The following PPAT variants were observed in gnomAD, a reference collection of about 807,000 sequenced individuals.
PPAT encodes the protein amidophosphoribosyltransferase.
Under a neutral mutation model 60.2 loss-of-function variants are expected in PPAT, and 20 were observed. The observed-to-expected ratio is 0.33, with a 90% CI of 0.23 to 0.48. PPAT has a LOEUF of 0.48. Ranked by LOEUF, PPAT falls within the 20% of genes least tolerant of loss-of-function variation. The pLI is 0.99. For synonymous variants in PPAT, 194 were observed against 215.1 expected (o/e 0.90, Z 0.86); for missense variants, 349 against 629.6 (o/e 0.55, Z 4.77).
intron 1 of PPAT, chr4:56,419,680 G>A: frequency 1.8e-5 from 18 of 984,036 alleles, no homozygotes; most frequent in Non-Finnish European, 2.2e-5. Context: ...GCAAATGAAG[G>A]AGGAAAGCAC....
intron 1 of PPAT, among the ~76,000 whole-genome samples, chr4:56,432,804 T>C (rs6842547): frequency 1.5e-5 from 1 of 66,244 alleles, no homozygotes; most frequent in Non-Finnish European, 4.0e-5. Flanking sequence ...AAAAAAAAAA[T>C]CAAGAAGATA....
intron 1 of PPAT, chr4:56,414,463 T>C (rs1171885077): frequency 6.6e-6 from 1 of 152,252 alleles, no homozygotes; most frequent in African/African-American, 2.4e-5. Context: ...GGCCTATGGC[T>C]GCCAAACCAC....
At position 56,393,403 on chromosome 4, in the gene PPAT, CAAAT is replaced by C. The variant is rs1202544057; in HGVS notation, c.*1945_*1948del. ...ACACATATTTATCAACAAGGCATCA[CAAAT>C]AAGTCACAAAAAGTAGGCTTAGTTT... On this transcript the variant is annotated 3_prime_UTR_variant, in exon 11 of 11. Transcript: ENST00000264220. 7.3e-5 allele frequency: 11 copies of C among 151,026 alleles called. No homozygotes were observed. Among genetic ancestry groups the C allele is most frequent in the African/African-American group, 2.7e-4 (11 of 41,164 alleles). The allele number at this position is 151,026 out of a possible 1,614,324, so 9.4% of individuals were successfully genotyped here. A position where few individuals can be genotyped will look rare whatever the true frequency, so the allele number is the denominator to read the frequency against.
chr4:56,423,800 T>TATA (rs1179178121), intron 1 of PPAT, among the ~76,000 whole-genome samples: 1 of 152,030 alleles, frequency 6.6e-6, no homozygotes, highest in East Asian at 1.9e-4. Flanking sequence ...AAAGCAAAGA[T>TATA]ATAAACCCAC....
In PPAT at chr4:56,393,493, CG is replaced by C. The variant is rs1715879882; in HGVS notation, c.*1858del. On this transcript the variant is annotated 3_prime_UTR_variant, in exon 11 of 11. Coordinates refer to ENST00000264220, the MANE Select transcript of PPAT (RefSeq NM_002703.5). ...CATCTCTGCAGTTTATAATACTCTA[CG>C]TATATGAATTTAAAGCAGTTAAACA... 1 of 151,716 alleles carries C rather than the reference CG, an allele frequency of 6.6e-6. No homozygotes were observed. 9.4% of individuals were successfully genotyped at this position (151,716 alleles called of 1,614,324 possible).
chr4:56,419,752 A>T, intron 1 of PPAT: 1 of 984,872 alleles, frequency 1.0e-6, no homozygotes, highest in Non-Finnish European at 1.2e-6. Context: ...ATACAACGAC[A>T]ACTAGAGGGA....
intron 1 of PPAT, 83 bp from the exon 2 acceptor site, chr4:56,407,799 C>T (rs577476110): frequency 2.6e-5 from 28 of 1,089,774 alleles, no homozygotes; most frequent in Non-Finnish European, 3.4e-5. Flanking sequence ...ACTTTCTCAA[C>T]AAGCATCCAT....
chr4:56,435,272 T>A lies in PPAT; in HGVS notation c.128+78A>T, dbSNP rs1717841713. The A allele has an allele frequency of 2.1e-5, 34 of 1,592,498 alleles. No individual in the cohort carries two copies. The South Asian group carries it at 3.6e-4, about 17-fold the overall frequency. On this transcript the variant is annotated intron_variant, in intron 1 of 10. Transcript: ENST00000264220. ...TCGGTCCTCCCGGGCCCTCGGGCGC[T>A]CATGAGAACGCCGACTGCGGGAAGC...
intron 1 of PPAT, among the ~76,000 whole-genome samples, chr4:56,425,080 T>G (rs1436195412): frequency 1.3e-5 from 2 of 152,160 alleles, no homozygotes; most frequent in East Asian, 3.8e-4. Context: ...TAGCAAAACA[T>G]ATTTCCAAAA....
At chr4:56,431,572 G>A (rs1188870600) in intron 1 of PPAT, 4 of 942,832 alleles carry the variant, frequency 4.2e-6, no homozygotes, top group Non-Finnish European at 5.1e-6. Context: ...ATTTTTAGAA[G>A]TATGAAAATG....
At chr4:56,425,454 T>C (rs1717239066) in intron 1 of PPAT, 5 of 883,460 alleles carry the variant, frequency 5.7e-6, no homozygotes, top group Non-Finnish European at 5.4e-6. Context: ...AGCTCAGACA[T>C]AGGTATGCTG....
chr4:56,413,221 G>A (rs1478996419), intron 1 of PPAT, among the ~76,000 whole-genome samples: 1 of 152,152 alleles, frequency 6.6e-6, no homozygotes, highest in Non-Finnish European at 1.5e-5. Context: ...GTGCAGTGGT[G>A]CAATCTCAGC....
intron 3 of PPAT, among the ~76,000 whole-genome samples, chr4:56,403,708 T>A (rs1289221806): frequency 6.6e-6 from 1 of 152,204 alleles, no homozygotes; most frequent in Admixed American, 6.5e-5. Flanking sequence ...CAACTCACCA[T>A]AATCTAGAAT....
chr4:56,431,534 AC>A lies in PPAT; in HGVS notation c.128+3815del, dbSNP rs1442336946. On this transcript the variant is annotated intron_variant, in intron 1 of 10. Coordinates refer to ENST00000264220, the MANE Select transcript of PPAT (RefSeq NM_002703.5). Reference sequence around the variant, plus strand: ...TACAGAATGTTTCTGCAGACAGAAAACCCAACTTCATCAGGTAAATCTTATA... The same window carrying A: ...TACAGAATGTTTCTGCAGACAGAAAACCAACTTCATCAGGTAAATCTTATA... 6 of 981,018 alleles carry A rather than the reference AC, an allele frequency of 6.1e-6. No homozygotes were observed. The African/African-American group carries it at 1.1e-4, about 17-fold the overall frequency. The allele number at this position is 981,018 out of a possible 1,614,324, so 60.8% of individuals were successfully genotyped here. A position where few individuals can be genotyped will look rare whatever the true frequency, so the allele number is the denominator to read the frequency against.
intron 1 of PPAT, chr4:56,422,720 A>T (rs1207107959): frequency 6.6e-6 from 1 of 152,150 alleles, no homozygotes; most frequent in Non-Finnish European, 1.5e-5. Context: ...ATATATTAAT[A>T]GACGCTACCA....
chr4:56,418,072 C>T (rs1716861431), intron 1 of PPAT, among the ~76,000 whole-genome samples: 1 of 151,966 alleles, frequency 6.6e-6, no homozygotes, highest in Non-Finnish European at 1.5e-5. Flanking sequence ...CTCCTGACCT[C>T]GTGATCCTCC....
intron 2 of PPAT, among the ~76,000 whole-genome samples, 191 bp from the exon 3 acceptor site, chr4:56,406,892 TAAAAAAA>T (rs1455785189): frequency 6.6e-6 from 1 of 152,184 alleles, no homozygotes; most frequent in African/African-American, 2.4e-5. Flanking sequence ...AGCACTTACT[TAAAAAAA>T]TTTACTGAGG....
intron 1 of PPAT, chr4:56,410,424 C>A: frequency 1.6e-6 from 1 of 616,874 alleles, no homozygotes; most frequent in Non-Finnish European, 2.0e-6. Flanking sequence ...ATCCTTTCAG[C>A]TCTTCGGAGC....
At chr4:56,423,961 A>T (rs966341257) in intron 1 of PPAT, among the ~76,000 whole-genome samples, 2 of 152,176 alleles carry the variant, frequency 1.3e-5, no homozygotes, top group African/African-American at 4.8e-5. Context: ...AAAAATATGA[A>T]TTATTTATCT....
Sources: gnomAD v4.1 joint callset for allele counts (sites outside exome capture counted in the v4.1 genomes callset) on GRCh38, gnomAD v4.1.1 for gene constraint, MANE v1.5 for transcripts, NCBI Gene and HGNC (gene_info 2026-07-23, HGNC 2026-07-21) for gene names.